Variants in DOCK1 observed in about 807,000 individuals in gnomAD.
DOCK1 encodes the protein dedicator of cytokinesis 1, also known as dedicator of cytokinesis protein 1.
DOCK1 carries 138 observed loss-of-function variants against 262.7 expected under a neutral mutation model. The ratio of observed to expected loss-of-function variants is 0.53; its 90% CI spans 0.46 to 0.61. The LOEUF is 0.61. Ranked by LOEUF, DOCK1 falls within the 20% of genes least tolerant of loss-of-function variation. The pLI is 0.00. For missense variants in DOCK1, 1,908 were observed against 2,370.7 expected, an observed-to-expected ratio of 0.80 and a Z score of 4.05; for synonymous variants, 866 against 867.4, an observed-to-expected ratio of 1.00 and a Z score of 0.03.
At chr10:127,086,472 A>G (rs1350197962) in intron 23 of DOCK1, among the ~76,000 whole-genome samples, 1 of 152,220 alleles carries the variant, frequency 6.6e-6, no homozygotes, top group Non-Finnish European at 1.5e-5. Flanking sequence ...GAAATTTAAC[A>G]TGAACTTGGC....
intron 1 of DOCK1, among the ~76,000 whole-genome samples, chr10:126,969,442 G>A (rs1335810990): frequency 6.6e-6 from 1 of 152,216 alleles, no homozygotes; most frequent in African/African-American, 2.4e-5. Flanking sequence ...TCCTGTCCTT[G>A]GAGGTGTGGG....
chr10:126,977,138 G>A (rs1365762751), intron 2 of DOCK1, among the ~76,000 whole-genome samples: 1 of 152,214 alleles, frequency 6.6e-6, no homozygotes, highest in East Asian at 1.9e-4. Flanking sequence ...ATGGTGGGGT[G>A]CTTGGAGGCT....
rs2067691842 is a variant in DOCK1, at chr10:127,409,060, G to A, written c.4146G>A (p.Gly1382=). The A allele has an allele frequency of 1.3e-6, 2 of 1,590,214 alleles. No homozygotes were observed. Among genetic ancestry groups the A allele is most frequent in the Non-Finnish European group, 1.7e-6 (2 of 1,167,132 alleles). Residue 1382 remains glycine (G), a synonymous_variant, in exon 41 of 52, where the codon GGG becomes GGA. Transcript: ENST00000623213. ...AGGGAAAAGTTTTCATTTACCGAGG[G>A]AAAGAGTATGAGCGCCGGGAAGATT... ...FLRGKVFIYR[G]KEYERREDFE...
chr10:127,147,518 T>G (rs1164798115), intron 27 of DOCK1, among the ~76,000 whole-genome samples: 2 of 152,090 alleles, frequency 1.3e-5, no homozygotes, highest in African/African-American at 4.8e-5. Context: ...CAGAGGGCTC[T>G]CTCTCGCCAG....
intron 1 of DOCK1, among the ~76,000 whole-genome samples, chr10:126,945,766 A>C (rs1383848685): frequency 6.6e-6 from 1 of 152,198 alleles, no homozygotes; most frequent in Admixed American, 6.5e-5. Flanking sequence ...GCAGGTGCAC[A>C]TACTGTATGG....
At chr10:127,281,284 G>A (rs1437154363) in intron 29 of DOCK1, among the ~76,000 whole-genome samples, 1 of 152,194 alleles carries the variant, frequency 6.6e-6, no homozygotes, top group Non-Finnish European at 1.5e-5. Context: ...TTAGCTCATC[G>A]AGCCGTGGCC....
At chr10:127,414,159 G>A (rs979894725) in intron 43 of DOCK1, among the ~76,000 whole-genome samples, 5 of 152,196 alleles carry the variant, frequency 3.3e-5, no homozygotes, top group African/African-American at 7.2e-5. Context: ...CAATCTGCCC[G>A]CCCTGGCCTC....
chr10:126,923,438 A>T lies in DOCK1; in HGVS notation c.46+17875A>T, dbSNP rs566107372. Among the ~76,000 whole-genome samples, 4 of 152,260 alleles carry T rather than the reference A, an allele frequency of 2.6e-5. No homozygotes were observed. The South Asian group carries it at 8.3e-4, about 32-fold the overall frequency. ...GAGGAGTTTGAGACCAGCCTGGCCA[A>T]CATGGTGAAACCCCATAACTACTAA... is the stretch of plus-strand genomic sequence containing the variant. On this transcript the variant is annotated intron_variant, in intron 1 of 51. Transcript: ENST00000623213.
intron 1 of DOCK1, among the ~76,000 whole-genome samples, chr10:126,926,131 C>T (rs149550648): frequency 1.5e-4 from 23 of 152,204 alleles, no homozygotes; most frequent in South Asian, 2.1e-4. Flanking sequence ...TGTTCAGCAT[C>T]GTGCCCGACA....
At chr10:127,035,053 C>A (rs2043501461) in intron 18 of DOCK1, among the ~76,000 whole-genome samples, 1 of 152,224 alleles carries the variant, frequency 6.6e-6, no homozygotes, top group Non-Finnish European at 1.5e-5. Flanking sequence ...ATGCCACTCA[C>A]CAGGACTGAT....
At chr10:127,306,706 A>G (rs569750233) in intron 29 of DOCK1, among the ~76,000 whole-genome samples, 2 of 152,342 alleles carry the variant, frequency 1.3e-5, no homozygotes, top group East Asian at 1.9e-4. Flanking sequence ...TACTGACTAC[A>G]TTACGGGAAG....
chr10:127,390,656 G>A (rs905279380), intron 38 of DOCK1, among the ~76,000 whole-genome samples: 2 of 152,050 alleles, frequency 1.3e-5, no homozygotes, highest in South Asian at 2.1e-4. Context: ...CACTTTGATC[G>A]CAGAATCCTG....
intron 16 of DOCK1, among the ~76,000 whole-genome samples, chr10:127,028,208 C>T (rs1164942691): frequency 6.6e-6 from 1 of 152,160 alleles, no homozygotes; most frequent in African/African-American, 2.4e-5. Flanking sequence ...AGGAAGGCCG[C>T]CAGCTTGGAA....
At chr10:126,975,470 C>T (rs1044677324) in intron 2 of DOCK1, among the ~76,000 whole-genome samples, 4 of 152,240 alleles carry the variant, frequency 2.6e-5, no homozygotes, top group Admixed American at 6.5e-5. Flanking sequence ...TGACCAGGGG[C>T]TTCCTGCATC....
In DOCK1 at chr10:127,439,187, TC is replaced by T; in HGVS notation, c.5224del (p.Leu1742CysfsTer7). The T allele has an allele frequency of 6.2e-7, 1 of 1,611,890 alleles. No homozygotes were observed. The highest frequency in any genetic ancestry group is 8.5e-7 in the Non-Finnish European group (1 of 1,179,124). ...GAAAGAATTTAAACCCACCGACATT[TC>T]CCTGCAGCAGTCTGAGGCTGTGATC... The part of the protein sequence containing the change: ...FEKEFKPTDI[S>X]LQQSEAVILS... On this transcript the variant is annotated frameshift_variant, in exon 49 of 52. Coordinates refer to ENST00000623213, the MANE Select transcript of DOCK1 (RefSeq NM_001290223.2). LOFTEE classifies it high-confidence loss of function.
chr10:127,302,934 C>T (rs1160665172), intron 29 of DOCK1, among the ~76,000 whole-genome samples: 1 of 152,096 alleles, frequency 6.6e-6, no homozygotes, highest in Non-Finnish European at 1.5e-5. Flanking sequence ...GAATTTTTGG[C>T]TCTTTGAAAC....
At chr10:127,171,365 A>G (rs553443668) in intron 27 of DOCK1, among the ~76,000 whole-genome samples, 1 of 152,342 alleles carries the variant, frequency 6.6e-6, no homozygotes, top group Non-Finnish European at 1.5e-5. Flanking sequence ...TACAATAAAC[A>G]TGTTCTAAGA....
At chr10:126,992,128 A>AT (rs201848596) in intron 6 of DOCK1, among the ~76,000 whole-genome samples, 1,780 of 151,620 alleles carry the variant, frequency 0.012, 21 homozygotes, top group African/African-American at 0.038. Flanking sequence ...AGAGATTTTT[A>AT]TTTTTTTTTC....
intron 25 of DOCK1, among the ~76,000 whole-genome samples, chr10:127,122,059 C>T (rs1379701779): frequency 1.3e-5 from 2 of 152,170 alleles, no homozygotes; most frequent in Admixed American, 6.5e-5. Context: ...TTCAGTGTTC[C>T]GATAACGGGG....
Sources: gnomAD v4.1 joint callset for allele counts (sites outside exome capture counted in the v4.1 genomes callset) on GRCh38, gnomAD v4.1.1 for gene constraint, MANE v1.5 for transcripts, NCBI Gene and HGNC (gene_info 2026-07-23, HGNC 2026-07-21) for gene names.